CEP126: variants seen among roughly 807,000 people sequenced by gnomAD.
CEP126 encodes the protein centrosomal protein of 126 kDa.
Under a neutral mutation model 107.8 loss-of-function variants are expected in CEP126, and 74 were observed. That is an observed-to-expected ratio of 0.69 (90% confidence interval 0.57 to 0.83). The LOEUF (loss-of-function observed/expected upper bound fraction) is 0.83, where lower values mean the gene tolerates loss of function less well. Among genes scored for constraint, CEP126 ranks in the 40% least tolerant of loss-of-function variants. The pLI, the probability that CEP126 is intolerant of heterozygous loss-of-function variation, is 0.00. For synonymous variants in CEP126, 449 were observed against 446.0 expected (o/e 1.01, Z -0.08); for missense variants, 1,237 against 1,281.9 (o/e 0.96, Z 0.53).
chr11:101,937,161 G>T (rs1439807145), intron 2 of CEP126, among the ~76,000 whole-genome samples: 1 of 152,140 alleles, frequency 6.6e-6, no homozygotes, highest in Admixed American at 6.5e-5. Context: ...CAAAGTTTGT[G>T]TACATTGAAC....
chr11:101,986,315 T>A (rs1307073474), intron 8 of CEP126, among the ~76,000 whole-genome samples: 1 of 152,192 alleles, frequency 6.6e-6, no homozygotes, highest in Non-Finnish European at 1.5e-5. Context: ...AAAACTAATA[T>A]GTAAAATCAT....
chr11:101,935,854 C>A (rs530839087), intron 2 of CEP126, among the ~76,000 whole-genome samples: 1 of 151,958 alleles, frequency 6.6e-6, no homozygotes, highest in Non-Finnish European at 1.5e-5. Flanking sequence ...CCACTAGATA[C>A]CAGTAGCACA....
chr11:101,978,458 A>T lies in CEP126; in HGVS notation c.2957A>T (p.Asn986Ile), dbSNP rs201572867. 3 of 1,561,978 alleles carry T rather than the reference A, an allele frequency of 1.9e-6. No homozygotes were observed. Among genetic ancestry groups the T allele is most frequent in the Non-Finnish European group, 2.6e-6 (3 of 1,134,766 alleles). ...SVGQKYSEQI[N>I]NFGQSVLLSS... ...GGACAGAAGTACAGTGAGCAAATTA[A>T]TGTAAGTATGGTATTAATCAAAATC... Residue 986 changes from asparagine (N) to isoleucine (I), a missense_variant and splice_region_variant, in exon 7 of 11, where the codon AAT (asparagine) becomes ATT (isoleucine). By Grantham distance (149) the Asn-to-Ile change is moderately radical. This residue lies in a region of CEP126 where 1,134 missense variants were observed against 1,150.5 expected (regional missense o/e 0.99). Transcript: ENST00000263468.
chr11:101,972,818 G>C (rs1484545045), intron 6 of CEP126, among the ~76,000 whole-genome samples: 2 of 152,064 alleles, frequency 1.3e-5, no homozygotes, highest in African/African-American at 4.8e-5. Context: ...AGAATTTCAT[G>C]TTAATTATTC....
In CEP126 at chr11:101,962,539, G is replaced by C; in HGVS notation, c.1504G>C (p.Glu502Gln). Residue 502 changes from glutamate (E) to glutamine (Q), a missense_variant, in exon 6 of 11, where the codon GAA becomes CAA. Glu to Gln is a conservative substitution (Grantham distance 29). This residue lies in a region of CEP126 where 1,134 missense variants were observed against 1,150.5 expected (regional missense o/e 0.99). Coordinates refer to ENST00000263468, the MANE Select transcript of CEP126 (RefSeq NM_020802.4). ...DKLDELKDGK[E>Q]EEIKYFNCNK... is the part of the protein sequence containing the mutation. ...GTTAGATGAATTGAAAGATGGTAAAGAAGAAGAGATAAAATATTTTAATTG... is the reference window on the plus strand; with the variant it reads ...GTTAGATGAATTGAAAGATGGTAAACAAGAAGAGATAAAATATTTTAATTG... 6.2e-7 allele frequency: 1 copy of C among 1,611,208 alleles called. No individual in the cohort carries two copies. The highest frequency in any genetic ancestry group is 1.1e-5 in the South Asian group (1 of 90,862).
chr11:101,997,351 T>A (rs1348736684), intron 10 of CEP126, among the ~76,000 whole-genome samples: 2 of 152,230 alleles, frequency 1.3e-5, no homozygotes, highest in African/African-American at 4.8e-5. Flanking sequence ...CCTGAATTTT[T>A]AATGATATTG....
At chr11:101,995,076 A>T (rs1044469334) in intron 10 of CEP126, among the ~76,000 whole-genome samples, 1 of 151,846 alleles carries the variant, frequency 6.6e-6, no homozygotes, top group South Asian at 2.1e-4. Flanking sequence ...CCCTGTGTCC[A>T]TGTGTTCTCA....
At chr11:101,970,415 A>G (rs926061362) in intron 6 of CEP126, among the ~76,000 whole-genome samples, 5 of 152,316 alleles carry the variant, frequency 3.3e-5, no homozygotes, top group Admixed American at 6.5e-5. Context: ...GTATATGGAA[A>G]CAGGTAATGA....
rs866500729 is a variant in CEP126, at chr11:101,997,528, T to C, written c.3310-71T>C. 45 of 1,611,046 alleles carry C rather than the reference T, an allele frequency of 2.8e-5. No homozygotes were observed. In the Middle Eastern group the frequency reaches 8.3e-4, roughly 30 times the overall value. On this transcript the variant is annotated intron_variant, in intron 10 of 10. Transcript: ENST00000263468. ...GTGTTGAATATGCCACTATTTGACA[T>C]GTCAGCCTAGTTTGTAGCTGCAGTG...
chr11:101,917,704 C>T (rs1190051502), intron 1 of CEP126, among the ~76,000 whole-genome samples: 1 of 151,894 alleles, frequency 6.6e-6, no homozygotes, highest in Non-Finnish European at 1.5e-5. Context: ...TATCCTAGCA[C>T]CCACCTTGCC....
At chr11:101,996,251 CCT>C (rs1376668372) in intron 10 of CEP126, among the ~76,000 whole-genome samples, 1 of 152,180 alleles carries the variant, frequency 6.6e-6, no homozygotes, top group Non-Finnish European at 1.5e-5. Context: ...GCAAGCTCCC[CCT>C]TCATAGTTCC....
chr11:101,995,556 T>A (rs1399825392), intron 10 of CEP126, among the ~76,000 whole-genome samples: 1 of 152,200 alleles, frequency 6.6e-6, no homozygotes. Flanking sequence ...CCTGGTCCCC[T>A]GTCCTTTGTC....
At chr11:101,979,465 T>G (rs1941230400) in intron 7 of CEP126, among the ~76,000 whole-genome samples, 1 of 151,874 alleles carries the variant, frequency 6.6e-6, no homozygotes, top group South Asian at 2.1e-4. Context: ...TTTAAAATAA[T>G]GGCCAGGCGT....
chr11:101,995,742 C>A (rs544451685), intron 10 of CEP126, among the ~76,000 whole-genome samples: 1 of 152,322 alleles, frequency 6.6e-6, no homozygotes, highest in African/African-American at 2.4e-5. Context: ...AGCAGTACTA[C>A]ATAAATGTTG....
intron 8 of CEP126, among the ~76,000 whole-genome samples, chr11:101,984,425 T>A (rs1246368032): frequency 2.0e-5 from 3 of 152,208 alleles, no homozygotes; most frequent in Admixed American, 6.5e-5. Flanking sequence ...CTTCAGAGTC[T>A]ATCAGTAAGC....
chr11:101,943,423 C>A (rs1190048091), intron 2 of CEP126, among the ~76,000 whole-genome samples: 3 of 151,946 alleles, frequency 2.0e-5, no homozygotes, highest in Non-Finnish European at 4.4e-5. Context: ...AGAGTTCTTA[C>A]CAACCATCTC....
At chr11:101,951,423 G>T (rs145052056) in intron 4 of CEP126, among the ~76,000 whole-genome samples, 42 of 152,086 alleles carry the variant, frequency 2.8e-4, no homozygotes, top group Non-Finnish European at 4.4e-4. Flanking sequence ...GAGGTAGAAG[G>T]ATCACTTGAG....
chr11:101,920,781 T>A (rs1200479918), intron 1 of CEP126, among the ~76,000 whole-genome samples: 1 of 152,060 alleles, frequency 6.6e-6, no homozygotes, highest in Non-Finnish European at 1.5e-5. Context: ...GATTTTTGCA[T>A]TTTTTGTAGA....
At chr11:101,921,841 A>C (rs1468794612) in intron 1 of CEP126, among the ~76,000 whole-genome samples, 1 of 116,756 alleles carries the variant, frequency 8.6e-6, no homozygotes, top group Non-Finnish European at 1.6e-5. Context: ...GCTGGAATGC[A>C]GTGGCGCAAT....
Sources: allele counts gnomAD v4.1 joint callset (sites outside exome capture counted in the v4.1 genomes callset), GRCh38; gene constraint gnomAD v4.1.1; regional missense constraint gnomAD v4.1.1; transcripts MANE v1.5; gene names NCBI Gene and HGNC (gene_info 2026-07-23, HGNC 2026-07-21).